Variants in MCF2L2 observed in about 807,000 individuals in gnomAD.
MCF2L2 encodes the protein MCF.2 cell line derived transforming sequence-like 2.
Under a neutral mutation model 150.2 loss-of-function variants are expected in MCF2L2, and 102 were observed. The observed-to-expected ratio is 0.68, with a 90% confidence interval of 0.58 to 0.80. MCF2L2 has a LOEUF of 0.80. MCF2L2 is among the 30% of genes least tolerant of loss of function. The probability of loss-of-function intolerance (pLI) is 0.00; values close to 1 mark genes in which losing one functional copy is unlikely to be tolerated. For missense variants in MCF2L2, 1,256 were observed against 1,372.8 expected (o/e 0.91, Z 1.34); for synonymous variants, 465 against 491.3 (o/e 0.95, Z 0.71).
intron 1 of MCF2L2, among the ~76,000 whole-genome samples, chr3:183,419,463 G>A (rs773136628): frequency 2.6e-5 from 4 of 152,176 alleles, no homozygotes; most frequent in African/African-American, 7.2e-5. Context: ...ACATGGTCAG[G>A]TAGGCTGCAA....
At chr3:183,417,460 A>G (rs1460642423) in intron 1 of MCF2L2, among the ~76,000 whole-genome samples, 1 of 150,744 alleles carries the variant, frequency 6.6e-6, no homozygotes, top group Non-Finnish European at 1.5e-5. Context: ...ATTGCTTTTC[A>G]AATCAGTTAA....
chr3:183,212,949 G>C (rs993749065), intron 22 of MCF2L2, among the ~76,000 whole-genome samples: 1 of 134,746 alleles, frequency 7.4e-6, no homozygotes, highest in African/African-American at 2.7e-5. Flanking sequence ...TAGGTATTGT[G>C]GGGGGGTGGG....
intron 27 of MCF2L2, among the ~76,000 whole-genome samples, chr3:183,188,208 G>A (rs1721763292): frequency 6.6e-6 from 1 of 152,174 alleles, no homozygotes; most frequent in Non-Finnish European, 1.5e-5. Flanking sequence ...GAGTAGGAGG[G>A]AATGATGACA....
In MCF2L2 at chr3:183,193,051, T is replaced by G. The variant is rs1473470058; in HGVS notation, c.2964A>C (p.Glu988Asp). Residue 988 changes from glutamate (E) to aspartate (D), a missense_variant, in exon 27 of 30, where the codon GAA becomes GAC. Glu to Asp is a conservative substitution (Grantham distance 45, BLOSUM62 2). Coordinates refer to ENST00000328913, the MANE Select transcript of MCF2L2 (RefSeq NM_015078.4). ...AGSGPWIKNM[E>D]RATTSKEDPA... ...GGTCTTCCTTGCTAGTGGTAGCTCT[T>G]TCCATATTTTTAATCCATGGTCCGG... The G allele has an allele frequency of 6.2e-7, 1 of 1,614,056 alleles. No homozygotes were observed. The highest frequency in any genetic ancestry group is 8.5e-7 in the Non-Finnish European group (1 of 1,180,042).
At chr3:183,298,765 G>GCACACACACA (rs1220893493) in intron 11 of MCF2L2, 3 of 138,500 alleles carry the variant, frequency 2.2e-5, no homozygotes, top group Admixed American at 1.4e-4. Flanking sequence ...AAACACACAT[G>GCACACACACA]CACACACACA....
At chr3:183,418,417 C>A (rs1266032853) in intron 1 of MCF2L2, among the ~76,000 whole-genome samples, 1 of 152,178 alleles carries the variant, frequency 6.6e-6, no homozygotes, top group Non-Finnish European at 1.5e-5. Flanking sequence ...CATTTCAAAA[C>A]CAATTATGTC....
intron 3 of MCF2L2, among the ~76,000 whole-genome samples, chr3:183,356,181 A>AAC (rs1337693329): frequency 2.0e-5 from 3 of 151,608 alleles, no homozygotes; most frequent in Admixed American, 1.3e-4. Flanking sequence ...AAAAAAAAAA[A>AAC]AAAACTCTGC....
chr3:183,250,128 G>C (rs956147782), intron 15 of MCF2L2, among the ~76,000 whole-genome samples: 6 of 152,144 alleles, frequency 3.9e-5, no homozygotes, highest in Non-Finnish European at 8.8e-5. Context: ...TGGGTCACTG[G>C]TGAGAAAAAG....
intron 25 of MCF2L2, among the ~76,000 whole-genome samples, chr3:183,202,277 T>C (rs1722313803): frequency 6.6e-6 from 1 of 152,224 alleles, no homozygotes; most frequent in East Asian, 1.9e-4. Flanking sequence ...TTACAGGCAA[T>C]TGTTTAACTT....
At chr3:183,303,611 G>A (rs963510420) in intron 10 of MCF2L2, among the ~76,000 whole-genome samples, 5 of 152,086 alleles carry the variant, frequency 3.3e-5, no homozygotes, top group South Asian at 2.1e-4. Context: ...CGCAGGGACC[G>A]TCGCCTTCTT....
Position 183,209,601 on chromosome 3 carries a change from G to C in MCF2L2, c.2497-1778C>G, listed in dbSNP as rs1362515859. The stretch of plus-strand genomic sequence containing the variant: ...TCTCCTGAGTTCAAGGGACTCTCCT[G>C]CCTCATCCTCCCGAGTAGCTTGGAT... On this transcript the variant is annotated intron_variant, in intron 22 of 29. Transcript: ENST00000328913. 2.0e-5 allele frequency among the ~76,000 whole-genome samples: 3 copies of C among 152,238 alleles called. No individual in the cohort carries two copies. In the East Asian group the frequency reaches 5.8e-4, roughly 29 times the overall value.
rs567895948 is a variant in MCF2L2 at position 183,342,236 on chromosome 3, A to G, written c.276-606T>C. Among the ~76,000 whole-genome samples, 7 of 152,352 alleles carry G rather than the reference A, an allele frequency of 4.6e-5. No individual in the cohort carries two copies. The East Asian group carries it at 1.3e-3, about 29-fold the overall frequency. On this transcript the variant is annotated intron_variant, in intron 3 of 29. Transcript: ENST00000328913. ...AATTCTCACAGAATCTTTCGAAAGT[A>G]GAATTCTAAAAGTGAAAACATTTTT...
rs1218428377 is a variant in MCF2L2, at chr3:183,197,740, T to C, written c.2885-2485A>G. Among the ~76,000 whole-genome samples, 1 of 151,962 alleles carries C rather than the reference T, an allele frequency of 6.6e-6. No individual in the cohort carries two copies. The highest frequency in any genetic ancestry group is 1.5e-5 in the Non-Finnish European group (1 of 67,990). ...ATATCTAGGATATACATAAAAACTC[T>C]CAAAAGTCAATAATAAGAAAACAAT... On this transcript the variant is annotated intron_variant, in intron 25 of 29. Coordinates refer to ENST00000328913, the MANE Select transcript of MCF2L2 (RefSeq NM_015078.4). This position sits in a 1 kb window ranked among gnomAD's most constrained non-coding sequence, Gnocchi z 4.5.
In MCF2L2 at chr3:183,181,781, G is replaced by A. The variant is rs1368160226; in HGVS notation, c.3017-1622C>T. On this transcript the variant is annotated intron_variant, in intron 27 of 29. Transcript: ENST00000328913. This position sits in a 1 kb window ranked among gnomAD's most constrained non-coding sequence, Gnocchi z 4.3. Reference sequence around the variant, plus strand: ...TGCCAGGGCTGCTAGGGACCATAGAGCCACCCACTGGGAGGCTGGCGGTTG... The same window carrying A: ...TGCCAGGGCTGCTAGGGACCATAGAACCACCCACTGGGAGGCTGGCGGTTG... Among the ~76,000 whole-genome samples, 2 of 152,142 alleles carry A rather than the reference G, an allele frequency of 1.3e-5. No individual in the cohort carries two copies. Among genetic ancestry groups the A allele is most frequent in the African/African-American group, 4.8e-5 (2 of 41,424 alleles).
chr3:183,410,763 T>A (rs1715281100), intron 1 of MCF2L2, among the ~76,000 whole-genome samples: 2 of 152,240 alleles, frequency 1.3e-5, no homozygotes, highest in African/African-American at 4.8e-5. Flanking sequence ...ATTAGACTTG[T>A]TTTAGGGTGA....
At chr3:183,340,871 A>T (rs1386194358) in intron 4 of MCF2L2, among the ~76,000 whole-genome samples, 1 of 152,212 alleles carries the variant, frequency 6.6e-6, no homozygotes, top group African/African-American at 2.4e-5. Context: ...CGAACCCGGG[A>T]GGCAGAGGTT....
At position 183,267,520 on chromosome 3, in the gene MCF2L2, G is replaced by A. The variant is rs1576998908; in HGVS notation, c.1862+9352C>T. ...GTGTGTACAGTTGGTTTTCTATCAG[G>A]GGTCAACCGGCGGGGGGACTTGAGA... On this transcript the variant is annotated intron_variant, in intron 15 of 29. Coordinates refer to ENST00000328913, the MANE Select transcript of MCF2L2 (RefSeq NM_015078.4). The surrounding 1 kb of genome is among the most constrained non-coding windows in gnomAD (Gnocchi z 5.5). 6.6e-6 allele frequency among the ~76,000 whole-genome samples: 1 copy of A among 152,194 alleles called. No individual in the cohort carries two copies. Among genetic ancestry groups the A allele is most frequent in the East Asian group, 1.9e-4 (1 of 5,190 alleles).
intron 3 of MCF2L2, among the ~76,000 whole-genome samples, chr3:183,358,534 G>A (rs1004414775): frequency 2.0e-5 from 3 of 152,162 alleles, no homozygotes; most frequent in Admixed American, 6.5e-5. Flanking sequence ...ACTTAATGGT[G>A]TGCCGCTCAT....
chr3:183,300,573 T>C (rs1468404714), intron 10 of MCF2L2, among the ~76,000 whole-genome samples: 2 of 152,180 alleles, frequency 1.3e-5, no homozygotes, highest in Non-Finnish European at 2.9e-5. Context: ...GGAGTGCACA[T>C]AATAAGAGAT....
Sources: gnomAD v4.1 joint callset for allele counts (sites outside exome capture counted in the v4.1 genomes callset) on GRCh38, gnomAD v4.1.1 for gene constraint, Gnocchi (gnomAD v3.1) non-coding constraint, MANE v1.5 for transcripts, NCBI Gene and HGNC (gene_info 2026-07-23, HGNC 2026-07-21) for gene names.